NPHP4: variants seen among roughly 807,000 people sequenced by gnomAD.
NPHP4 encodes the protein nephrocystin 4, also known as nephrocystin-4.
A neutral mutation model predicts 155.8 loss-of-function variants in NPHP4; 151 were observed. The observed-to-expected ratio is 0.97, with a 90% CI of 0.85 to 1.11. NPHP4 has a LOEUF of 1.11. Among genes scored for constraint, NPHP4 ranks in the 50% least tolerant of loss-of-function variants. The pLI, the probability that NPHP4 is intolerant of heterozygous loss-of-function variation, is 0.00. For missense variants in NPHP4, 1,956 were observed against 1,925.7 expected (o/e 1.02, Z -0.29); for synonymous variants, 845 against 816.8 (o/e 1.03, Z -0.59).
At chr1:5,927,929 T>C (rs1646093671) in intron 10 of NPHP4, 142 bp from the exon 11 acceptor site, 2 of 887,890 alleles carry the variant, frequency 2.3e-6, no homozygotes, top group Admixed American at 2.4e-5. Context: ...TGTTCTCAGA[T>C]TATAATCAAG....
Position 5,892,589 on chromosome 1 carries a change from G to A in NPHP4, c.2144-1561C>T, listed in dbSNP as rs565184511. ...GTATAGTGGTGACAGAATGGGGGCCGGTCCAGCGGGGCACTGGAAGGAGCT... is the reference window on the plus strand; with the variant it reads ...GTATAGTGGTGACAGAATGGGGGCCAGTCCAGCGGGGCACTGGAAGGAGCT... On this transcript the variant is annotated intron_variant, in intron 16 of 29. Coordinates refer to ENST00000378156, the MANE Select transcript of NPHP4 (RefSeq NM_015102.5). The surrounding 1 kb of genome is among the most constrained non-coding windows in gnomAD (Gnocchi z 4.5). Among the ~76,000 whole-genome samples the A allele has an allele frequency of 5.3e-5, 8 of 152,194 alleles. No individual in the cohort carries two copies. Among genetic ancestry groups the A allele is most frequent in the Admixed American group, 2.0e-4 (3 of 15,300 alleles).
intron 2 of NPHP4, among the ~76,000 whole-genome samples, chr1:5,978,746 G>A (rs1654147771): frequency 6.6e-6 from 1 of 152,152 alleles, no homozygotes; most frequent in African/African-American, 2.4e-5. Context: ...CAGCCAACAG[G>A]TGAGAGAGAA....
intron 1 of NPHP4, among the ~76,000 whole-genome samples, chr1:5,988,404 T>TA (rs1570775557): frequency 6.6e-6 from 1 of 152,254 alleles, no homozygotes; most frequent in Non-Finnish European, 1.5e-5. Context: ...ACTGTAAAGA[T>TA]ATTTGCAAGA....
chr1:5,978,473 T>C (rs1017058336), intron 2 of NPHP4, 60 bp from the exon 3 acceptor site: 1 of 1,534,590 alleles, frequency 6.5e-7, no homozygotes, highest in South Asian at 1.2e-5. Context: ...AGGAGGTCAC[T>C]GGCAGGCCAT....
At chr1:5,919,388 T>G (rs1645626561) in intron 11 of NPHP4, among the ~76,000 whole-genome samples, 1 of 152,232 alleles carries the variant, frequency 6.6e-6, no homozygotes, top group Non-Finnish European at 1.5e-5. Flanking sequence ...TGTCCCCACA[T>G]GCAGCTACCC....
Position 5,889,758 on chromosome 1 carries a change from T to G in NPHP4, c.2304+1110A>C, listed in dbSNP as rs1271400198. 6.6e-6 allele frequency among the ~76,000 whole-genome samples: 1 copy of G among 152,178 alleles called. No homozygotes were observed. Among genetic ancestry groups the G allele is most frequent in the African/African-American group, 2.4e-5 (1 of 41,442 alleles). On this transcript the variant is annotated intron_variant, in intron 17 of 29. Transcript: ENST00000378156. This position sits in a 1 kb window ranked among gnomAD's most constrained non-coding sequence, Gnocchi z 4.2. ...ACAAGCAAGGGCCACGATGACCCTG[T>G]GGGGCCCTTGCCATGACCCCAACAG... is the stretch of plus-strand genomic sequence containing the variant.
chr1:5,904,948 G>T, intron 15 of NPHP4, 144 bp from the exon 16 acceptor site: 1 of 764,822 alleles, frequency 1.3e-6, no homozygotes, highest in Non-Finnish European at 2.2e-6. Context: ...CAATGCAACC[G>T]CTTTGCTGTG....
chr1:5,964,236 CG>C (rs1016817582), intron 5 of NPHP4, among the ~76,000 whole-genome samples: 2 of 152,136 alleles, frequency 1.3e-5, no homozygotes, highest in African/African-American at 4.8e-5. Context: ...AAAACGACCC[CG>C]GAAGGGTCTG....
At chr1:5,967,890 G>A (rs1329854328) in intron 4 of NPHP4, among the ~76,000 whole-genome samples, 1 of 152,012 alleles carries the variant, frequency 6.6e-6, no homozygotes, top group Non-Finnish European at 1.5e-5. Flanking sequence ...CCATTCGCAA[G>A]TCAGTGGTGT....
At chr1:5,928,202 C>T (rs556801574) in intron 10 of NPHP4, among the ~76,000 whole-genome samples, 12 of 152,332 alleles carry the variant, frequency 7.9e-5, no homozygotes, top group Non-Finnish European at 1.5e-4. Context: ...TGCCCCTCTG[C>T]AGCCACACCC....
At chr1:5,922,185 C>G (rs887044958) in intron 11 of NPHP4, among the ~76,000 whole-genome samples, 1 of 152,322 alleles carries the variant, frequency 6.6e-6, no homozygotes, top group African/African-American at 2.4e-5. Flanking sequence ...CCTCTAGCAG[C>G]TGGAAAAGGA....
At chr1:5,970,815 C>G (rs926281338) in intron 3 of NPHP4, among the ~76,000 whole-genome samples, 6 of 152,098 alleles carry the variant, frequency 3.9e-5, no homozygotes, top group Non-Finnish European at 7.3e-5. Flanking sequence ...CACAGACTGT[C>G]AGCCCAGGAT....
At chr1:5,926,613 G>GC (rs1313387869) in intron 11 of NPHP4, among the ~76,000 whole-genome samples, 1 of 152,174 alleles carries the variant, frequency 6.6e-6, no homozygotes, top group Non-Finnish European at 1.5e-5. Flanking sequence ...ACTTAGAAAT[G>GC]CATGTGCTGC....
intron 4 of NPHP4, among the ~76,000 whole-genome samples, chr1:5,968,098 C>G (rs1651866456): frequency 6.6e-6 from 1 of 151,842 alleles, no homozygotes; most frequent in Non-Finnish European, 1.5e-5. Flanking sequence ...AATATTCAAG[C>G]AGAACTTACG....
intron 16 of NPHP4, among the ~76,000 whole-genome samples, chr1:5,901,379 G>A (rs539485398): frequency 4.6e-5 from 7 of 152,268 alleles, no homozygotes; most frequent in South Asian, 2.1e-4. Flanking sequence ...CACAAGCTGC[G>A]GCTGCTGAAG....
chr1:5,905,200 G>A lies in NPHP4; in HGVS notation c.1955+92C>T, dbSNP rs1300395148. 8 of 1,041,574 alleles carry A rather than the reference G, an allele frequency of 7.7e-6. No individual in the cohort carries two copies. The East Asian group carries it at 1.7e-4, about 22-fold the overall frequency. The allele number at this position is 1,041,574 out of a possible 1,614,324, so 64.5% of individuals were successfully genotyped here. A position where few individuals can be genotyped will look rare whatever the true frequency, so the allele number is the denominator to read the frequency against. On this transcript the variant is annotated intron_variant, in intron 15 of 29. Transcript: ENST00000378156. This position sits in a 1 kb window ranked among gnomAD's most constrained non-coding sequence, Gnocchi z 4.0. ...CCGAATCTACTAAGACCTCAGCACA[G>A]ACAGTTCTGCCAGGTCAGAACCTCA...
In NPHP4 at chr1:5,905,516, GGGAAA is replaced by G; in HGVS notation, c.1764-38_1764-34del. ...ACAGAGACTCCTCAGGTAGCCTCCCGGGAAAGGGGGGACCCATTGATGCACCTCCC... is the reference window on the plus strand; with the variant it reads ...ACAGAGACTCCTCAGGTAGCCTCCCGGGGGGGACCCATTGATGCACCTCCC... On this transcript the variant is annotated intron_variant, in intron 14 of 29. Coordinates refer to ENST00000378156, the MANE Select transcript of NPHP4 (RefSeq NM_015102.5). This position sits in a 1 kb window ranked among gnomAD's most constrained non-coding sequence, Gnocchi z 4.0. 6.3e-7 allele frequency: 1 copy of G among 1,595,200 alleles called. No individual in the cohort carries two copies. The highest frequency in any genetic ancestry group is 8.6e-7 in the Non-Finnish European group (1 of 1,166,242).
chr1:5,875,414 G>A (rs1007955034), intron 20 of NPHP4, among the ~76,000 whole-genome samples: 1 of 152,216 alleles, frequency 6.6e-6, no homozygotes, highest in African/African-American at 2.4e-5. Flanking sequence ...AGAATCAGAA[G>A]TTTCAAACAA....
chr1:5,977,531 C>G (rs1235148490), intron 3 of NPHP4, among the ~76,000 whole-genome samples: 1 of 152,050 alleles, frequency 6.6e-6, no homozygotes, highest in African/African-American at 2.4e-5. Context: ...TACTCTGTTA[C>G]CTGCTCAGTG....
Sources: gnomAD v4.1 joint callset for allele counts (sites outside exome capture counted in the v4.1 genomes callset) on GRCh38, gnomAD v4.1.1 for gene constraint, Gnocchi (gnomAD v3.1) non-coding constraint, MANE v1.5 for transcripts, NCBI Gene and HGNC (gene_info 2026-07-23, HGNC 2026-07-21) for gene names.